COPB2: variants seen among roughly 807,000 people sequenced by gnomAD.
COPB2 encodes the protein coat protein complex I subunit beta 2, also known as coatomer subunit beta'.
A neutral mutation model predicts 120.8 loss-of-function variants in COPB2; 16 were observed. The ratio of observed to expected loss-of-function variants is 0.13; its 90% CI spans 0.09 to 0.20. The LOEUF is 0.20. COPB2 is among the 10% of genes least tolerant of loss of function. COPB2 has a pLI of 1.00. For missense variants in COPB2, 794 were observed against 1,076.5 expected, an observed-to-expected ratio of 0.74 and a Z score of 3.67; for synonymous variants, 332 against 366.3, an observed-to-expected ratio of 0.91 and a Z score of 1.07.
At chr3:139,385,820 G>C (rs181144869) in intron 1 of COPB2, among the ~76,000 whole-genome samples, 7 of 152,326 alleles carry the variant, frequency 4.6e-5, no homozygotes, top group African/African-American at 1.7e-4. Flanking sequence ...CCTTAGGGCA[G>C]TGGGCTTAAT....
chr3:139,377,960 TC>T (rs1941745580), intron 5 of COPB2, 80 bp downstream of exon 5: 1 of 1,317,564 alleles, frequency 7.6e-7, no homozygotes, highest in Admixed American at 2.4e-5. Context: ...TGGGTACATT[TC>T]TGACCAGTCA....
chr3:139,374,449 T>G (rs1199666346), intron 7 of COPB2, 40 bp downstream of exon 7: 1 of 1,501,242 alleles, frequency 6.7e-7, no homozygotes, highest in Non-Finnish European at 9.3e-7. Context: ...GCCCACTGAG[T>G]AGTTACTAGC....
chr3:139,361,134 C>T lies in COPB2; in HGVS notation c.2157G>A (p.Ala719=), dbSNP rs543622675. The part of the protein sequence containing the change: ...ANMVNKLAEG[A]ERDGKNNVAF... ...CCACATTATTTTTGCCATCTCTCTC[C>T]GCACCCTCTGCTAGCTTGTTCACCA... The change falls in exon 17 of 22, where the codon GCG becomes GCA. Residue 719 remains alanine, a synonymous_variant. Transcript: ENST00000333188. The T allele has an allele frequency of 4.3e-5, 70 of 1,614,200 alleles. No homozygotes were observed. The South Asian group carries it at 6.3e-4, about 14-fold the overall frequency.
chr3:139,366,548 A>T lies in COPB2; in HGVS notation c.1884+20T>A, dbSNP rs748428303. 1.8e-5 allele frequency: 28 copies of T among 1,566,042 alleles called. No homozygotes were observed. The highest frequency in any genetic ancestry group is 1.7e-4 in the Middle Eastern group (1 of 5,848). ...ATTGCAAGTTTTAAAAAACAAAAAG[A>T]AAAAAACAAAACCTCTTACCTGCTT... On this transcript the variant is annotated intron_variant, in intron 15 of 21. Transcript: ENST00000333188.
rs144633885 is a variant in COPB2 at position 139,373,274 on chromosome 3, C to T, written c.1033G>A (p.Val345Ile). The change falls in exon 9 of 22, where the codon GTA (valine) becomes ATA (isoleucine). Residue 345 changes from valine (V) to isoleucine (I), a missense_variant. Around this residue, in one of 3 missense-constraint regions of COPB2, gnomAD observed 610 missense variants for 866.7 expected, o/e 0.70. Transcript: ENST00000333188. ...ATTTCACAACTGCCCATATCCTTTACTGCCAGTGGCAATCTTTCACCATCT... is the reference window on the plus strand; with the variant it reads ...ATTTCACAACTGCCCATATCCTTTATTGCCAGTGGCAATCTTTCACCATCT... ...IKDGERLPLA[V>I]KDMGSCEIYP... 534 of 1,614,162 alleles carry T rather than the reference C, an allele frequency of 3.3e-4. 2 individuals carry two copies. The East Asian group carries it at 0.011, about 34-fold the overall frequency.
intron 10 of COPB2, among the ~76,000 whole-genome samples, chr3:139,370,613 C>T (rs1194210523): frequency 6.6e-6 from 1 of 152,204 alleles, no homozygotes; most frequent in Non-Finnish European, 1.5e-5. Context: ...CAGCCATCAT[C>T]AGCAACAACT....
chr3:139,376,652 A>C (rs897585149), intron 5 of COPB2, among the ~76,000 whole-genome samples: 1 of 152,280 alleles, frequency 6.6e-6, no homozygotes. Context: ...ACATAAAGGA[A>C]AACTACTAAC....
chr3:139,362,880 AAAG>A lies in COPB2; in HGVS notation c.1885-366_1885-364del, dbSNP rs1475891249. ...AGTTGACTAAACAAGAATCATTTCA[AAAG>A]AAGAAAACTAGGCACAGCAGTGTAA... On this transcript the variant is annotated intron_variant, in intron 15 of 21. Transcript: ENST00000333188. 2.0e-5 allele frequency among the ~76,000 whole-genome samples: 3 copies of A among 152,374 alleles called. No individual in the cohort carries two copies. In the East Asian group the frequency reaches 5.8e-4, roughly 29 times the overall value.
chr3:139,379,205 T>C (rs909236259), intron 3 of COPB2, 32 bp from the exon 4 acceptor site: 1 of 1,574,586 alleles, frequency 6.4e-7, no homozygotes, highest in Admixed American at 1.9e-5. Flanking sequence ...CCATCATCCC[T>C]GTTATCAAGT....
At chr3:139,389,331 C>T (rs954192445) in intron 1 of COPB2, 1 of 622,534 alleles carries the variant, frequency 1.6e-6, no homozygotes, top group Non-Finnish European at 2.3e-6. Context: ...AGACAAAACC[C>T]CTCACTAGCA....
At chr3:139,371,598 A>G in intron 10 of COPB2, 125 bp downstream of exon 10, 1 of 707,764 alleles carries the variant, frequency 1.4e-6, no homozygotes, top group Middle Eastern at 2.7e-4. Context: ...TCCAATGGAC[A>G]GCTCTGGTGA....
At position 139,363,799 on chromosome 3, in the gene COPB2, T is replaced by C. The variant is rs572272092; in HGVS notation, c.1885-1282A>G. Among the ~76,000 whole-genome samples, 639 of 152,332 alleles carry C rather than the reference T, an allele frequency of 4.2e-3. 3 individuals carry two copies. The highest frequency in any genetic ancestry group is 6.6e-3 in the Non-Finnish European group (449 of 68,036). On this transcript the variant is annotated intron_variant, in intron 15 of 21. Transcript: ENST00000333188. ...TGAAATGTTTTAACTTCTCAGCTTA[T>C]ACAGGCTGCCAACCCGCCCCGATCC...
chr3:139,358,307 G>A, intron 20 of COPB2, 36 bp from the exon 21 acceptor site: 1 of 1,552,076 alleles, frequency 6.4e-7, no homozygotes, highest in East Asian at 2.2e-5. Context: ...TGAAGACAAG[G>A]GAATTTACTC....
chr3:139,358,063 A>G, intron 21 of COPB2, 105 bp from the exon 22 acceptor site: 1 of 1,035,952 alleles, frequency 9.7e-7, no homozygotes, highest in Non-Finnish European at 1.4e-6. Context: ...CTTAATAGTC[A>G]AAAAGAGCAT....
intron 20 of COPB2, 154 bp from the exon 21 acceptor site, chr3:139,358,425 TC>T (rs755671869): frequency 7.3e-4 from 498 of 685,478 alleles, no homozygotes; most frequent in Middle Eastern, 2.0e-3. Flanking sequence ...ACGCCTGTAA[TC>T]CCAGCACTTT....
chr3:139,388,976 T>C (rs912717244), intron 1 of COPB2, among the ~76,000 whole-genome samples: 5 of 152,118 alleles, frequency 3.3e-5, no homozygotes, highest in Non-Finnish European at 7.4e-5. Context: ...TGCAAATGCA[T>C]AAAAGCACAC....
chr3:139,371,338 A>T (rs1941619646), intron 10 of COPB2, among the ~76,000 whole-genome samples: 1 of 152,226 alleles, frequency 6.6e-6, no homozygotes, highest in Non-Finnish European at 1.5e-5. Context: ...GTAGCTCATA[A>T]AGGGGCAGTA....
chr3:139,361,386 A>AC (rs1941416634), intron 16 of COPB2, 91 bp from the exon 17 acceptor site: 4 of 1,274,298 alleles, frequency 3.1e-6, no homozygotes, highest in Non-Finnish European at 4.3e-6. Flanking sequence ...GACAATGTTT[A>AC]TAAAAAGAGC....
chr3:139,377,898 T>G (rs1941744336), intron 5 of COPB2, 143 bp downstream of exon 5: 1 of 684,804 alleles, frequency 1.5e-6, no homozygotes, highest in Non-Finnish European at 2.1e-6. Flanking sequence ...TGGATTAAAA[T>G]GAGAAATCCT....
Sources: gnomAD v4.1 joint callset for allele counts (sites outside exome capture counted in the v4.1 genomes callset) on GRCh38, gnomAD v4.1.1 for gene constraint, gnomAD v4.1.1 regional missense constraint, MANE v1.5 for transcripts, NCBI Gene and HGNC (gene_info 2026-07-23, HGNC 2026-07-21) for gene names.